SURF4: variants seen among roughly 807,000 people sequenced by gnomAD.
The protein encoded by SURF4 is surfeit 4.
Under a neutral mutation model 30.0 loss-of-function variants are expected in SURF4, and 3 were observed. The observed-to-expected ratio is 0.10, with a 90% CI of 0.05 to 0.26. SURF4 has a LOEUF of 0.26. Ranked by LOEUF, SURF4 falls within the 10% of genes least tolerant of loss-of-function variation. The pLI is 1.00. For missense variants in SURF4, 217 were observed against 350.8 expected (o/e 0.62, Z 3.05); for synonymous variants, 143 against 139.9 (o/e 1.02, Z -0.16).
At chr9:133,377,657 C>CT (rs1838022154), upstream of SURF4, among the ~76,000 whole-genome samples, 1 of 151,436 alleles carries the variant, frequency 6.6e-6, no homozygotes, top group Non-Finnish European at 1.5e-5. Context: ...GAGCAAAACT[C>CT]TGTCTCAGAA....
intron 1 of SURF4, among the ~76,000 whole-genome samples, chr9:133,374,374 G>A (rs1243385913): frequency 3.3e-5 from 5 of 151,514 alleles, no homozygotes; most frequent in Non-Finnish European, 7.4e-5. Context: ...CCAACATGGA[G>A]AAACCCTGTT....
chr9:133,362,437 ATCTGAGTGAGCGACAGCC>A lies in SURF4; in HGVS notation c.*1038_*1055del, dbSNP rs1397642725. The stretch of plus-strand genomic sequence containing the variant: ...CTGCATTCGGCATAGCAAACGGACA[ATCTGAGTGAGCGACAGCC>A]TCAGGAAAGTGGTGTGTCGGGGCTG... On this transcript the variant is annotated 3_prime_UTR_variant, in exon 6 of 6. Transcript: ENST00000371989. The A allele has an allele frequency of 6.6e-6, 1 of 152,646 alleles. No homozygotes were observed. The highest frequency in any genetic ancestry group is 2.4e-5 in the African/African-American group (1 of 41,454). The allele number at this position is 152,646 out of a possible 1,614,324, so 9.5% of individuals were successfully genotyped here. A position where few individuals can be genotyped will look rare whatever the true frequency, so the allele number is the denominator to read the frequency against.
At chr9:133,374,679 T>A (rs150985206) in intron 1 of SURF4, among the ~76,000 whole-genome samples, 1 of 152,348 alleles carries the variant, frequency 6.6e-6, no homozygotes, top group East Asian at 1.9e-4. Flanking sequence ...CCTCCAAATT[T>A]AAAATATTGG....
intron 5 of SURF4, among the ~76,000 whole-genome samples, chr9:133,364,093 C>T (rs1837011310): frequency 6.6e-6 from 1 of 152,226 alleles, no homozygotes; most frequent in Non-Finnish European, 1.5e-5. Context: ...CATCCTCTCT[C>T]CTCTCTCCAT....
At position 133,375,242 on chromosome 9, in the gene SURF4, G is replaced by A. The variant is rs926789896; in HGVS notation, c.48+680C>T. On this transcript the variant is annotated intron_variant, in intron 1 of 5. Coordinates refer to ENST00000371989, the MANE Select transcript of SURF4 (RefSeq NM_033161.4). The stretch of plus-strand genomic sequence containing the variant: ...TCCCTGTTGCTCAGAATGCCACCTG[G>A]ACACTTCTGGAAGGAGACTATCAGG... The A allele has an allele frequency of 6.1e-6, 6 of 985,286 alleles. No homozygotes were observed. In the Admixed American group the frequency reaches 3.7e-4, roughly 61 times the overall value. The allele number at this position is 985,286 out of a possible 1,614,324, so 61.0% of individuals were successfully genotyped here.
At chr9:133,373,559 C>A (rs1250699602) in intron 1 of SURF4, among the ~76,000 whole-genome samples, 1 of 151,538 alleles carries the variant, frequency 6.6e-6, no homozygotes, top group South Asian at 2.1e-4. Context: ...GATGAGATTG[C>A]GCCACTGCAC....
Position 133,363,501 on chromosome 9 carries a change from CCTT to C in SURF4, c.799_801del (p.Lys267del), listed in dbSNP as rs2130087498. On this transcript the variant is annotated inframe_deletion, in exon 6 of 6. Coordinates refer to ENST00000371989, the MANE Select transcript of SURF4 (RefSeq NM_033161.4). This position sits in a 1 kb window ranked among gnomAD's most constrained non-coding sequence, Gnocchi z 4.3. Reference sequence around the variant, plus strand: ...GTAGGGATCTGTGACTGTTACCACTCCTTCTTCTTCTCATCCATGGAGACACCC... The same window carrying C: ...GTAGGGATCTGTGACTGTTACCACTCCTTCTTCTCATCCATGGAGACACCC... 56 of 1,614,092 alleles carry C rather than the reference CCTT, an allele frequency of 3.5e-5. No individual in the cohort carries two copies. The highest frequency in any genetic ancestry group is 9.3e-5 in the African/African-American group (7 of 74,916).
chr9:133,368,324 T>C (rs1014991825), intron 1 of SURF4, among the ~76,000 whole-genome samples: 1 of 152,200 alleles, frequency 6.6e-6, no homozygotes, highest in Non-Finnish European at 1.5e-5. Context: ...TTTACAGTTA[T>C]CCGAAAATCT....
In SURF4 at chr9:133,363,945, C is replaced by T. The variant is rs2130097173; in HGVS notation, c.544-186G>A. Reference sequence around the variant, plus strand: ...AAGGGAGGCAGGAGGCAATAAAGCACCAGCTTTGAAATGTGGAAGGTTTGG... The same window carrying T: ...AAGGGAGGCAGGAGGCAATAAAGCATCAGCTTTGAAATGTGGAAGGTTTGG... On this transcript the variant is annotated intron_variant, in intron 5 of 5. Coordinates refer to ENST00000371989, the MANE Select transcript of SURF4 (RefSeq NM_033161.4). This position sits in a 1 kb window ranked among gnomAD's most constrained non-coding sequence, Gnocchi z 4.3. 6.5e-6 allele frequency: 5 copies of T among 764,854 alleles called. No individual in the cohort carries two copies. The highest frequency in any genetic ancestry group is 4.4e-5 in the South Asian group (3 of 68,512). 47.4% of individuals were successfully genotyped at this position (764,854 alleles called of 1,614,324 possible).
Position 133,364,864 on chromosome 9 carries a change from A to G in SURF4, c.519T>C (p.Leu173=). 6.2e-7 allele frequency: 1 copy of G among 1,614,096 alleles called. No homozygotes were observed. Among genetic ancestry groups the G allele is most frequent in the East Asian group, 2.2e-5 (1 of 44,842 alleles). ...CAGAAAAGAAGCTGGCGTCAAAGTG[A>G]AGGAGGGTCATGAACATCAGAACCA... ...VLLVLMFMTL[L]HFDASFFSIV... is the part of the protein sequence containing the mutation. Residue 173 remains leucine (L), a synonymous_variant, in exon 5 of 6, where the codon CTT becomes CTC. Transcript: ENST00000371989.
chr9:133,376,344 C>T (rs1837941681), upstream of SURF4: 11 of 1,380,380 alleles, frequency 8.0e-6, no homozygotes, highest in South Asian at 6.3e-5. Context: ...GGGTCTGGGG[C>T]CAGCGCGCGG....
Position 133,363,427 on chromosome 9 carries a change from G to C in SURF4, c.*66C>G, listed in dbSNP as rs2130085826. The C allele has an allele frequency of 1.9e-6, 3 of 1,613,682 alleles. No homozygotes were observed. The highest frequency in any genetic ancestry group is 2.5e-6 in the Non-Finnish European group (3 of 1,179,734). On this transcript the variant is annotated 3_prime_UTR_variant, in exon 6 of 6. Coordinates refer to ENST00000371989, the MANE Select transcript of SURF4 (RefSeq NM_033161.4). The surrounding 1 kb of genome is among the most constrained non-coding windows in gnomAD (Gnocchi z 4.3). ...ATACATAAAAGCTGGCAGTTTTGTT[G>C]AATCCACCCCGAACCAGTCCTTGAC...
In SURF4 at chr9:133,364,925, G is replaced by A; in HGVS notation, c.458C>T (p.Pro153Leu). ...GCCTCCGAGCTGCATGTACTGTTTG[G>A]GGGAGCTCTCACGCATGGTGGGGAC... ...AGVPTMRESSPKQYMQLGGRV... is the reference protein window; with the variant it reads ...AGVPTMRESSLKQYMQLGGRV... Residue 153 changes from proline (P) to leucine (L), a missense_variant, in exon 5 of 6, where the codon CCC (proline) becomes CTC (leucine). Pro to Leu is a moderately conservative substitution (Grantham distance 98, BLOSUM62 -3). Coordinates refer to ENST00000371989, the MANE Select transcript of SURF4 (RefSeq NM_033161.4). 6.2e-7 allele frequency: 1 copy of A among 1,613,980 alleles called. No individual in the cohort carries two copies. Among genetic ancestry groups the A allele is most frequent in the South Asian group, 1.1e-5 (1 of 91,054 alleles).
chr9:133,365,879 T>G, intron 4 of SURF4, 106 bp downstream of exon 4: 1 of 1,175,306 alleles, frequency 8.5e-7, no homozygotes, highest in Non-Finnish European at 1.3e-6. Flanking sequence ...TTGAGCGTCA[T>G]GTTGGTGCCC....
At chr9:133,365,076 C>G in intron 4 of SURF4, 50 bp from the exon 5 acceptor site, 1 of 1,458,562 alleles carries the variant, frequency 6.9e-7, no homozygotes, top group Non-Finnish European at 9.1e-7. Flanking sequence ...AGGATCTGGC[C>G]TGTCTGTGAG....
upstream of SURF4, chr9:133,376,611 C>T: frequency 6.7e-7 from 1 of 1,487,506 alleles, no homozygotes; most frequent in Non-Finnish European, 9.0e-7. Flanking sequence ...GTAACGGTCG[C>T]AACCCTGGAG....
chr9:133,371,299 C>T (rs1312767358), intron 1 of SURF4, among the ~76,000 whole-genome samples: 4 of 152,348 alleles, frequency 2.6e-5, no homozygotes, highest in South Asian at 2.1e-4. Context: ...CAAGCACCTG[C>T]GGCCCAGCGG....
At chr9:133,364,061 A>G (rs1588705632) in intron 5 of SURF4, among the ~76,000 whole-genome samples, 2 of 152,118 alleles carry the variant, frequency 1.3e-5, no homozygotes, top group African/African-American at 4.8e-5. Flanking sequence ...TTCTTGGCCC[A>G]CCCAGCCATC....
intron 1 of SURF4, among the ~76,000 whole-genome samples, chr9:133,374,539 C>T (rs1202991934): frequency 6.6e-6 from 1 of 151,940 alleles, no homozygotes; most frequent in African/African-American, 2.4e-5. Flanking sequence ...CCAGCCTGGG[C>T]AACAAGGTCA....
Sources: gnomAD v4.1 joint callset for allele counts (sites outside exome capture counted in the v4.1 genomes callset) on GRCh38, gnomAD v4.1.1 for gene constraint, Gnocchi (gnomAD v3.1) non-coding constraint, MANE v1.5 for transcripts, NCBI Gene and HGNC (gene_info 2026-07-23, HGNC 2026-07-21) for gene names.